KIFC3: variants seen among roughly 807,000 people sequenced by gnomAD.
KIFC3 encodes the protein kinesin-like protein KIFC3.
Under a neutral mutation model 101.8 loss-of-function variants are expected in KIFC3, and 60 were observed. The observed-to-expected ratio is 0.59, with a 90% CI of 0.48 to 0.73. The LOEUF (loss-of-function observed/expected upper bound fraction) is 0.73. Ranked by LOEUF, KIFC3 falls within the 30% of genes least tolerant of loss-of-function variation. KIFC3 has a pLI of 0.00. For synonymous variants in KIFC3, 476 were observed against 482.7 expected, an observed-to-expected ratio of 0.99 and a Z score of 0.18; for missense variants, 966 against 1,137.1, an observed-to-expected ratio of 0.85 and a Z score of 2.16.
At chr16:57,842,608 T>C (rs954675975) in intron 1 of KIFC3, among the ~76,000 whole-genome samples, 1 of 152,316 alleles carries the variant, frequency 6.6e-6, no homozygotes, top group Admixed American at 6.5e-5. Flanking sequence ...ACTAACAACT[T>C]GGGCATTGAC....
At chr16:57,828,463 G>A (rs189021074) in intron 1 of KIFC3, among the ~76,000 whole-genome samples, 42 of 152,352 alleles carry the variant, frequency 2.8e-4, no homozygotes, top group African/African-American at 9.4e-4. Context: ...AGAAGCCAAC[G>A]TGGGTGGCGG....
chr16:57,843,990 C>G (rs920360749), intron 1 of KIFC3, among the ~76,000 whole-genome samples: 3 of 152,024 alleles, frequency 2.0e-5, no homozygotes, highest in African/African-American at 7.3e-5. Flanking sequence ...CGCCTGTAAT[C>G]CCAGCTACTT....
intron 3 of KIFC3, among the ~76,000 whole-genome samples, chr16:57,778,224 G>A (rs1277975686): frequency 6.6e-6 from 1 of 152,186 alleles, no homozygotes; most frequent in Non-Finnish European, 1.5e-5. Context: ...AGGCCACAGT[G>A]AGCCATGACT....
chr16:57,785,376 G>T (rs782610903), intron 3 of KIFC3: 5 of 736,990 alleles, frequency 6.8e-6, no homozygotes, highest in Non-Finnish European at 9.1e-6. Flanking sequence ...TACACCAGTA[G>T]CCTGGTGGGG....
chr16:57,815,411 A>G, intron 1 of KIFC3: 2 of 1,180,278 alleles, frequency 1.7e-6, no homozygotes, highest in Non-Finnish European at 2.1e-6. Context: ...CACCACCGCC[A>G]CGTGTTTTCT....
Position 57,766,855 on chromosome 16 carries a change from C to T in KIFC3, c.1330+19G>A. 6.3e-7 allele frequency: 1 copy of T among 1,592,010 alleles called. No homozygotes were observed. The highest frequency in any genetic ancestry group is 8.6e-7 in the Non-Finnish European group (1 of 1,168,232). On this transcript the variant is annotated intron_variant, in intron 10 of 19. Transcript: ENST00000445690. Reference sequence around the variant, plus strand: ...AGGACCCCGAGGCCAGCGCCCACCCCCAGCCCTCCTGCAGTCACCTTTCAG... The same window carrying T: ...AGGACCCCGAGGCCAGCGCCCACCCTCAGCCCTCCTGCAGTCACCTTTCAG...
Position 57,818,496 on chromosome 16 carries a change from C to A in KIFC3, c.109-20214G>T, listed in dbSNP as rs115903935. 6.0e-3 allele frequency among the ~76,000 whole-genome samples: 914 copies of A among 152,214 alleles called. 10 individuals are homozygous for A. Among genetic ancestry groups the A allele is most frequent in the African/African-American group, 0.021 (865 of 41,528 alleles). On this transcript the variant is annotated intron_variant, in intron 1 of 2. Transcript: ENST00000563028. ...CCTCCCACCTCAGCCTCTCCAATAGCGGGGATTATAGGCATGTGCTACGAA... is the reference window on the plus strand; with the variant it reads ...CCTCCCACCTCAGCCTCTCCAATAGAGGGGATTATAGGCATGTGCTACGAA...
chr16:57,786,911 C>T lies in KIFC3; in HGVS notation c.315+8088G>A, dbSNP rs1306016703. ...CAGATAGCTACAGGCCCCCCCAACC[C>T]GCTCTAGGAGAGCAGGAGGGGCACG... is the stretch of plus-strand genomic sequence containing the variant. On this transcript the variant is annotated intron_variant, in intron 3 of 19. Coordinates refer to ENST00000445690, the MANE Select transcript of KIFC3 (RefSeq NM_001130100.2). Among the ~76,000 whole-genome samples, 7 of 152,196 alleles carry T rather than the reference C, an allele frequency of 4.6e-5. No homozygotes were observed. The East Asian group carries it at 7.7e-4, about 17-fold the overall frequency.
chr16:57,778,891 C>A (rs1417591355), intron 3 of KIFC3, among the ~76,000 whole-genome samples: 1 of 152,066 alleles, frequency 6.6e-6, no homozygotes, highest in Non-Finnish European at 1.5e-5. Flanking sequence ...GGCAACATAG[C>A]GAGACCTCAT....
At chr16:57,797,862 C>T (rs1180996214) in intron 2 of KIFC3, 1 of 1,453,610 alleles carries the variant, frequency 6.9e-7, no homozygotes, top group Non-Finnish European at 9.0e-7. Flanking sequence ...GCTTCCAGGT[C>T]TCCTCTTTTC....
At chr16:57,837,718 C>T in intron 1 of KIFC3, among the ~76,000 whole-genome samples, 1 of 152,060 alleles carries the variant, frequency 6.6e-6, no homozygotes, top group Non-Finnish European at 1.5e-5. Flanking sequence ...GTCTGTTTCC[C>T]CCATTAGTCT....
chr16:57,822,646 G>A (rs1324115961), intron 1 of KIFC3, among the ~76,000 whole-genome samples: 2 of 151,406 alleles, frequency 1.3e-5, no homozygotes, highest in African/African-American at 2.4e-5. Context: ...GCAGTGAGCC[G>A]AGATCACACC....
In KIFC3 at chr16:57,834,700, A is replaced by G. The variant is rs373096524; in HGVS notation, c.108+28029T>C. Among the ~76,000 whole-genome samples, 4 of 152,064 alleles carry G rather than the reference A, an allele frequency of 2.6e-5. No homozygotes were observed. The South Asian group carries it at 8.3e-4, about 32-fold the overall frequency. On this transcript the variant is annotated intron_variant, in intron 1 of 2. Transcript: ENST00000563028. Reference sequence around the variant, plus strand: ...TAATTTTTTTATTTTTTATTTTTGTAGAGACCGGGTCTCACTATATTGGCC... The same window carrying G: ...TAATTTTTTTATTTTTTATTTTTGTGGAGACCGGGTCTCACTATATTGGCC...
Position 57,795,894 on chromosome 16 carries a change from T to G in KIFC3, c.173-753A>C, listed in dbSNP as rs868933146. Among the ~76,000 whole-genome samples the G allele has an allele frequency of 4.6e-3, 544 of 117,458 alleles. 4 individuals carry two copies. Among genetic ancestry groups the G allele is most frequent in the African/African-American group, 7.6e-3 (211 of 27,640 alleles). The allele number at this position is 117,458 out of a possible 152,430, so 77.1% of individuals were successfully genotyped here. On this transcript the variant is annotated intron_variant, in intron 2 of 19. Coordinates refer to ENST00000445690, the MANE Select transcript of KIFC3 (RefSeq NM_001130100.2). ...TTTTTGGGCTTTTTTGTTTTTTTTT[T>G]TTTTTTTTTTTTTTTTTGAGACAGG...
At chr16:57,816,283 A>G (rs2055222094) in intron 1 of KIFC3, 2 of 1,276,790 alleles carry the variant, frequency 1.6e-6, no homozygotes, top group Middle Eastern at 2.1e-4. Flanking sequence ...CCAAACCCAG[A>G]AGCCTGAGGA....
chr16:57,786,774 C>T (rs1555617927), intron 3 of KIFC3, among the ~76,000 whole-genome samples: 1 of 152,198 alleles, frequency 6.6e-6, no homozygotes, highest in Non-Finnish European at 1.5e-5. Flanking sequence ...TCACACACCC[C>T]TCTGACAGCC....
At chr16:57,820,826 A>C (rs2055334146) in intron 1 of KIFC3, among the ~76,000 whole-genome samples, 2 of 152,250 alleles carry the variant, frequency 1.3e-5, no homozygotes, top group Non-Finnish European at 2.9e-5. Context: ...GAATGAATTC[A>C]ATAGAGAATA....
intron 1 of KIFC3, among the ~76,000 whole-genome samples, chr16:57,828,453 A>G (rs146961332): frequency 6.6e-6 from 1 of 152,370 alleles, no homozygotes; most frequent in Admixed American, 6.5e-5. Flanking sequence ...AAAAAGGCCA[A>G]GAAGCCAACG....
intron 1 of KIFC3, among the ~76,000 whole-genome samples, chr16:57,849,843 C>T (rs1009766436): frequency 1.1e-4 from 16 of 152,154 alleles, no homozygotes; most frequent in African/African-American, 3.9e-4. Flanking sequence ...GTGGAGGTTG[C>T]AGTGAGCCGA....
Sources: gnomAD v4.1 joint callset for allele counts (sites outside exome capture counted in the v4.1 genomes callset) on GRCh38, gnomAD v4.1.1 for gene constraint, MANE v1.5 for transcripts, NCBI Gene and HGNC (gene_info 2026-07-23, HGNC 2026-07-21) for gene names.